LARS1: variants seen among roughly 807,000 people sequenced by gnomAD.
LARS1 encodes the protein leucine--tRNA ligase, cytoplasmic.
Under a neutral mutation model 162.8 loss-of-function variants are expected in LARS1, and 100 were observed. That is an observed-to-expected ratio of 0.61 (90% CI 0.52 to 0.73). The LOEUF (loss-of-function observed/expected upper bound fraction) is 0.73, where lower values mean the gene tolerates loss of function less well. Among genes scored for constraint, LARS1 ranks in the 30% least tolerant of loss-of-function variants. LARS1 has a pLI of 0.00. For synonymous variants in LARS1, 457 were observed against 462.8 expected, an observed-to-expected ratio of 0.99 and a Z score of 0.16; for missense variants, 1,258 against 1,408.9, an observed-to-expected ratio of 0.89 and a Z score of 1.71.
chr5:146,178,485 G>C (rs546539979), intron 1 of LARS1, among the ~76,000 whole-genome samples: 33 of 151,956 alleles, frequency 2.2e-4, no homozygotes, highest in African/African-American at 7.2e-4. Flanking sequence ...AAGGTGGCAC[G>C]CATCTGTAAT....
At chr5:146,172,610 T>C in intron 3 of LARS1, 77 bp downstream of exon 3, 1 of 735,368 alleles carries the variant, frequency 1.4e-6, no homozygotes, top group Non-Finnish European at 2.2e-6. Flanking sequence ...TAATAAATTC[T>C]ATAGCTGCCA....
chr5:146,143,471 A>ATTT lies in LARS1; in HGVS notation c.1817_1818insAAA (p.Val606_Ala607insAsn). On this transcript the variant is annotated inframe_insertion, in exon 19 of 32. Transcript: ENST00000394434. ...AGTTACCCCCCTGCAATAGGTGTGC[A>ATTT]ACTGTGTAAAATGCCATGTAAATAG... 1.2e-6 allele frequency: 2 copies of ATTT among 1,614,060 alleles called. No individual in the cohort carries two copies. The highest frequency in any genetic ancestry group is 1.7e-6 in the Non-Finnish European group (2 of 1,179,946).
At chr5:146,118,388 G>A (rs943990642) in intron 31 of LARS1, among the ~76,000 whole-genome samples, 1 of 152,106 alleles carries the variant, frequency 6.6e-6, no homozygotes, top group Non-Finnish European at 1.5e-5. Context: ...ACTGGAAGGA[G>A]GTTGGTCAAC....
intron 15 of LARS1, among the ~76,000 whole-genome samples, chr5:146,147,462 G>GT (rs1753062254): frequency 6.6e-6 from 1 of 150,952 alleles, no homozygotes; most frequent in Admixed American, 6.6e-5. Context: ...CCCAAAATTA[G>GT]TAATTATTGA....
intron 5 of LARS1, among the ~76,000 whole-genome samples, chr5:146,167,831 C>T (rs538452681): frequency 2.2e-5 from 3 of 138,710 alleles, no homozygotes; most frequent in South Asian, 2.4e-4. Context: ...GCCCGGCCTA[C>T]GACCGGCTTA....
At chr5:146,173,967 T>C (rs1754391565) in intron 2 of LARS1, among the ~76,000 whole-genome samples, 1 of 152,098 alleles carries the variant, frequency 6.6e-6, no homozygotes, top group South Asian at 2.1e-4. Flanking sequence ...TTCTTCAGTC[T>C]TACTGCATAC....
At chr5:146,132,205 A>G (rs1752316190) in intron 23 of LARS1, 1 of 152,164 alleles carries the variant, frequency 6.6e-6, no homozygotes, top group Non-Finnish European at 1.5e-5. Context: ...GCTAGTAGGG[A>G]GGCTGGGGCA....
At chr5:146,147,492 C>T (rs1172061797) in intron 15 of LARS1, among the ~76,000 whole-genome samples, 1 of 151,690 alleles carries the variant, frequency 6.6e-6, no homozygotes, top group Non-Finnish European at 1.5e-5. Context: ...ATAGGTATTA[C>T]AGGAATTTAT....
chr5:146,141,239 A>T (rs976393138), intron 20 of LARS1, among the ~76,000 whole-genome samples: 1 of 152,124 alleles, frequency 6.6e-6, no homozygotes, highest in African/African-American at 2.4e-5. Context: ...GTAGCTTTGG[A>T]TTATGATTTC....
intron 22 of LARS1, 139 bp from the exon 23 acceptor site, chr5:146,133,220 A>G: frequency 1.6e-6 from 1 of 612,978 alleles, no homozygotes; most frequent in Non-Finnish European, 2.6e-6. Flanking sequence ...TGGATCAACA[A>G]CAAAAATTAA....
rs981136231 is a variant in LARS1, at chr5:146,147,993, A to G, written c.1503+1629T>C. Among the ~76,000 whole-genome samples the G allele has an allele frequency of 5.9e-5, 9 of 152,340 alleles. No homozygotes were observed. The East Asian group carries it at 1.7e-3, about 29-fold the overall frequency. Reference sequence around the variant, plus strand: ...AGTTTTCAACTTCTTAATAGCATCAATGAACCAAAAGATGATGAGGTAATA... The same window carrying G: ...AGTTTTCAACTTCTTAATAGCATCAGTGAACCAAAAGATGATGAGGTAATA... On this transcript the variant is annotated intron_variant, in intron 15 of 31. Transcript: ENST00000394434.
rs182372252 is a variant in LARS1, at chr5:146,152,422, C to A, written c.1285-420G>T. ...GGAGGTGAGGAACGGGCGAGCATCACCCCCTGAGCTTCACCTCCTGTCAGA... is the reference window on the plus strand; with the variant it reads ...GGAGGTGAGGAACGGGCGAGCATCAACCCCTGAGCTTCACCTCCTGTCAGA... On this transcript the variant is annotated intron_variant, in intron 13 of 31. Coordinates refer to ENST00000394434, the MANE Select transcript of LARS1 (RefSeq NM_020117.11). Among the ~76,000 whole-genome samples the A allele has an allele frequency of 2.8e-4, 42 of 152,290 alleles. No homozygotes were observed. The East Asian group carries it at 6.5e-3, about 24-fold the overall frequency.
intron 15 of LARS1, among the ~76,000 whole-genome samples, chr5:146,146,897 A>G (rs1002349031): frequency 2.0e-5 from 3 of 151,836 alleles, no homozygotes; most frequent in Admixed American, 6.6e-5. Context: ...TGTTTTCAGT[A>G]GAGACAGGAT....
chr5:146,158,783 A>T (rs1166252736), intron 8 of LARS1, among the ~76,000 whole-genome samples: 2 of 152,132 alleles, frequency 1.3e-5, no homozygotes, highest in East Asian at 3.8e-4. Flanking sequence ...CATATACATC[A>T]CATTGAGAGC....
At chr5:146,157,947 A>C in intron 8 of LARS1, 152 bp from the exon 9 acceptor site, 1 of 705,382 alleles carries the variant, frequency 1.4e-6, no homozygotes, top group Non-Finnish European at 2.4e-6. Context: ...TGGTGTGCTA[A>C]CTATACCCAC....
At chr5:146,135,109 T>A (rs1242538836) in intron 22 of LARS1, among the ~76,000 whole-genome samples, 1 of 151,962 alleles carries the variant, frequency 6.6e-6, no homozygotes, top group Non-Finnish European at 1.5e-5. Flanking sequence ...GTTCAAGCGA[T>A]TCTCCTGCCT....
chr5:146,135,814 A>G, intron 21 of LARS1, 150 bp from the exon 22 acceptor site: 2 of 579,886 alleles, frequency 3.4e-6, no homozygotes, highest in South Asian at 2.4e-5. Context: ...CTAATTTTAG[A>G]GCGGTGAAAA....
chr5:146,158,728 T>A (rs1340788265), intron 8 of LARS1, among the ~76,000 whole-genome samples: 1 of 152,170 alleles, frequency 6.6e-6, no homozygotes, highest in Non-Finnish European at 1.5e-5. Context: ...TGCTTTCTTT[T>A]TAGAGCTGTT....
At position 146,148,254 on chromosome 5, in the gene LARS1, T is replaced by C. The variant is rs546889823; in HGVS notation, c.1503+1368A>G. 5.3e-5 allele frequency among the ~76,000 whole-genome samples: 8 copies of C among 152,314 alleles called. No individual in the cohort carries two copies. The East Asian group carries it at 1.3e-3, about 26-fold the overall frequency. On this transcript the variant is annotated intron_variant, in intron 15 of 31. Transcript: ENST00000394434. ...AGCTCAAGAGGAGCAAAGGGTATTC[T>C]TAGCAATAGTGGAGGAACATCCAAG...
Sources: allele counts gnomAD v4.1 joint callset (sites outside exome capture counted in the v4.1 genomes callset), GRCh38; gene constraint gnomAD v4.1.1; transcripts MANE v1.5; gene names NCBI Gene and HGNC (gene_info 2026-07-23, HGNC 2026-07-21).